The following GLG1 variants were observed in gnomAD, a reference collection of about 807,000 sequenced individuals.
The protein encoded by GLG1 is Golgi apparatus protein 1.
GLG1 carries 38 observed loss-of-function variants against 160.5 expected under a neutral mutation model. The observed-to-expected ratio is 0.24, with a 90% CI of 0.18 to 0.31. The LOEUF is 0.31. Ranked by LOEUF, GLG1 falls within the 10% of genes least tolerant of loss-of-function variation. The probability of loss-of-function intolerance (pLI) is 1.00; values close to 1 mark genes in which losing one functional copy is unlikely to be tolerated. For missense variants in GLG1, 1,373 were observed against 1,505.2 expected, an observed-to-expected ratio of 0.91 and a Z score of 1.45; for synonymous variants, 644 against 543.4, an observed-to-expected ratio of 1.19 and a Z score of -2.57.
At chr16:74,539,343 G>A (rs560094277) in intron 1 of GLG1, among the ~76,000 whole-genome samples, 78 of 152,122 alleles carry the variant, frequency 5.1e-4, no homozygotes, top group African/African-American at 1.7e-3. Context: ...AAAGATAGAC[G>A]GGGAAAGACC....
chr16:74,602,210 A>G lies in GLG1; in HGVS notation c.438+4447T>C, dbSNP rs375330101. On this transcript the variant is annotated intron_variant, in intron 1 of 25. Coordinates refer to ENST00000422840, the MANE Select transcript of GLG1 (RefSeq NM_001145667.2). ...TAAATTAGTTTATTTAAATATTTACAAAGCATTCACTCTGTGCAAAGCTTA... is the reference window on the plus strand; with the variant it reads ...TAAATTAGTTTATTTAAATATTTACGAAGCATTCACTCTGTGCAAAGCTTA... Among the ~76,000 whole-genome samples, 12 of 152,348 alleles carry G rather than the reference A, an allele frequency of 7.9e-5. No homozygotes were observed. In the South Asian group the frequency reaches 2.5e-3, roughly 32 times the overall value.
intron 1 of GLG1, among the ~76,000 whole-genome samples, chr16:74,596,417 T>TA (rs1398158312): frequency 1.3e-5 from 2 of 151,240 alleles, no homozygotes; most frequent in Admixed American, 1.3e-4. Context: ...TAAACCCAGC[T>TA]ACTCGGGAAG....
chr16:74,579,973 G>C (rs1957902177), intron 1 of GLG1, among the ~76,000 whole-genome samples: 1 of 152,072 alleles, frequency 6.6e-6, no homozygotes, highest in African/African-American at 2.4e-5. Flanking sequence ...TGAGGCAGGA[G>C]AATCGCTTGA....
chr16:74,597,557 A>G (rs1958334105), intron 1 of GLG1, among the ~76,000 whole-genome samples: 1 of 151,866 alleles, frequency 6.6e-6, no homozygotes, highest in East Asian at 1.9e-4. Flanking sequence ...TGCCTCTACT[A>G]AAAAAACAAA....
intron 21 of GLG1, 141 bp from the exon 22 acceptor site, chr16:74,462,336 T>A: frequency 1.2e-6 from 1 of 822,430 alleles, no homozygotes; most frequent in Non-Finnish European, 2.0e-6. Flanking sequence ...ACAAAATGCC[T>A]GCTTTTGATC....
At chr16:74,521,508 G>C (rs2017163397) in intron 2 of GLG1, among the ~76,000 whole-genome samples, 1 of 152,118 alleles carries the variant, frequency 6.6e-6, no homozygotes, top group African/African-American at 2.4e-5. Context: ...GATTGAATGT[G>C]AAGTGTAAGA....
chr16:74,560,057 G>A (rs1390653994), intron 1 of GLG1, among the ~76,000 whole-genome samples: 1 of 152,156 alleles, frequency 6.6e-6, no homozygotes. Flanking sequence ...TTATGAGGAT[G>A]ATGGTTAATT....
intron 2 of GLG1, among the ~76,000 whole-genome samples, chr16:74,514,164 T>C (rs1597293086): frequency 1.3e-5 from 2 of 152,160 alleles, no homozygotes; most frequent in Admixed American, 1.3e-4. Context: ...CTGCATTTGA[T>C]TGGTATACCT....
intron 12 of GLG1, among the ~76,000 whole-genome samples, chr16:74,477,063 A>T (rs913079705): frequency 6.6e-6 from 1 of 152,236 alleles, no homozygotes; most frequent in Non-Finnish European, 1.5e-5. Context: ...AGCTTTCTAC[A>T]AAAATGCCTA....
chr16:74,568,357 G>A (rs2018718920), intron 1 of GLG1, among the ~76,000 whole-genome samples: 1 of 151,224 alleles, frequency 6.6e-6, no homozygotes, highest in South Asian at 2.1e-4. Context: ...TGAGGAACAT[G>A]AACTTTTTAC....
intron 1 of GLG1, among the ~76,000 whole-genome samples, chr16:74,583,200 G>T (rs1269840293): frequency 6.6e-6 from 1 of 152,058 alleles, no homozygotes; most frequent in African/African-American, 2.4e-5. Flanking sequence ...AAGAGGGCTT[G>T]GCCATTTTCA....
chr16:74,524,028 C>T (rs908288239), intron 2 of GLG1, among the ~76,000 whole-genome samples: 5 of 152,084 alleles, frequency 3.3e-5, no homozygotes, highest in Admixed American at 2.0e-4. Context: ...GCCTGGCCAA[C>T]ATGGTAAAAC....
At chr16:74,476,331 G>C (rs1327669759) in intron 12 of GLG1, among the ~76,000 whole-genome samples, 2 of 152,148 alleles carry the variant, frequency 1.3e-5, no homozygotes. Context: ...ATTGGACAGA[G>C]GCAACAGAAA....
At chr16:74,519,944 T>C (rs934458117) in intron 2 of GLG1, among the ~76,000 whole-genome samples, 11 of 152,208 alleles carry the variant, frequency 7.2e-5, no homozygotes, top group Non-Finnish European at 1.3e-4. Context: ...GTATTCACAT[T>C]ATTGACTATG....
Position 74,517,803 on chromosome 16 carries a change from G to A in GLG1, c.472-8878C>T, listed in dbSNP as rs529456265. 4.6e-3 allele frequency among the ~76,000 whole-genome samples: 693 copies of A among 152,072 alleles called. 9 individuals carry two copies. Among genetic ancestry groups the A allele is most frequent in the Non-Finnish European group, 5.5e-3 (376 of 67,946 alleles). ...CATGACTGTATATTTAGAAAAGCCC[G>A]TCATCTCAGCCCAAAATCTCCTTAA... On this transcript the variant is annotated intron_variant, in intron 2 of 25. Coordinates refer to ENST00000422840, the MANE Select transcript of GLG1 (RefSeq NM_001145667.2).
At chr16:74,529,458 CTATTTTATTTATAGGAAAA>C (rs1432019635) in intron 2 of GLG1, among the ~76,000 whole-genome samples, 1 of 151,846 alleles carries the variant, frequency 6.6e-6, no homozygotes, top group Admixed American at 6.6e-5. Context: ...TTATTTTCCT[CTATTTTATTTATAGGAAAA>C]TATTTTATTT....
Position 74,506,376 on chromosome 16 carries a change from A to C in GLG1, c.558+2463T>G, listed in dbSNP as rs1037905691. ...GGCGGATCACGAGGTCAGGAGACTG[A>C]GACCATCCTGGCTAACACAGTGAAA... On this transcript the variant is annotated intron_variant, in intron 3 of 25. Coordinates refer to ENST00000422840, the MANE Select transcript of GLG1 (RefSeq NM_001145667.2). 1.2e-4 allele frequency among the ~76,000 whole-genome samples: 18 copies of C among 151,654 alleles called. 1 individual carries two copies. The highest frequency in any genetic ancestry group is 4.4e-4 in the African/African-American group (18 of 41,306).
At chr16:74,603,915 C>T (rs1958502828) in intron 1 of GLG1, among the ~76,000 whole-genome samples, 1 of 151,688 alleles carries the variant, frequency 6.6e-6, no homozygotes, top group Non-Finnish European at 1.5e-5. Context: ...CTGGCTATTA[C>T]ATCTATTATT....
At chr16:74,460,219 C>T (rs1031537475) in intron 22 of GLG1, among the ~76,000 whole-genome samples, 7 of 152,178 alleles carry the variant, frequency 4.6e-5, no homozygotes, top group Middle Eastern at 3.2e-3. Context: ...CAGAGTTTCT[C>T]CATGTTAGTC....
Sources: gnomAD v4.1 joint callset for allele counts (sites outside exome capture counted in the v4.1 genomes callset) on GRCh38, gnomAD v4.1.1 for gene constraint, MANE v1.5 for transcripts, NCBI Gene and HGNC (gene_info 2026-07-23, HGNC 2026-07-21) for gene names.